Variants in SCUBE1 observed in about 807,000 individuals in gnomAD.
The protein encoded by SCUBE1 is signal peptide, CUB domain and EGF like domain containing 1, also known as signal peptide, CUB and EGF-like domain-containing protein 1.
SCUBE1 carries 59 observed loss-of-function variants against 124.4 expected under a neutral mutation model. The observed-to-expected ratio is 0.47, with a 90% confidence interval of 0.38 to 0.59. SCUBE1 has a LOEUF of 0.59. Ranked by LOEUF, SCUBE1 falls within the 20% of genes least tolerant of loss-of-function variation. The probability of loss-of-function intolerance (pLI) is 0.00; values close to 1 mark genes in which losing one functional copy is unlikely to be tolerated. For synonymous variants in SCUBE1, 545 were observed against 550.9 expected, an observed-to-expected ratio of 0.99 and a Z score of 0.15; for missense variants, 1,150 against 1,371.2, an observed-to-expected ratio of 0.84 and a Z score of 2.55.
chr22:43,314,469 G>A (rs1926274374), intron 3 of SCUBE1, among the ~76,000 whole-genome samples: 1 of 151,942 alleles, frequency 6.6e-6, no homozygotes, highest in Non-Finnish European at 1.5e-5. Context: ...CCTCTCCTGT[G>A]GCTGCAGCAG....
At chr22:43,224,785 C>T (rs1023813757) in intron 10 of SCUBE1, among the ~76,000 whole-genome samples, 3 of 152,124 alleles carry the variant, frequency 2.0e-5, no homozygotes, top group Non-Finnish European at 4.4e-5. Flanking sequence ...TCATGCTAAG[C>T]ACACACTTTT....
intron 2 of SCUBE1, among the ~76,000 whole-genome samples, chr22:43,326,180 T>C (rs752302110): frequency 1.3e-5 from 2 of 152,216 alleles, no homozygotes; most frequent in African/African-American, 2.4e-5. Flanking sequence ...AAATGTCTTC[T>C]CATTTCCCCC....
chr22:43,278,730 T>C (rs575188714), intron 4 of SCUBE1, among the ~76,000 whole-genome samples: 1 of 152,336 alleles, frequency 6.6e-6, no homozygotes, highest in East Asian at 1.9e-4. Context: ...CCCCTGATCC[T>C]GAAGTCCTGC....
chr22:43,212,379 C>A (rs1162321287), intron 17 of SCUBE1, 46 bp downstream of exon 17: 1 of 1,540,862 alleles, frequency 6.5e-7, no homozygotes, highest in African/African-American at 1.4e-5. Flanking sequence ...AGCAGTGCAG[C>A]CCTGCCTCTC....
At chr22:43,305,330 C>T (rs915991480) in intron 3 of SCUBE1, among the ~76,000 whole-genome samples, 9 of 152,190 alleles carry the variant, frequency 5.9e-5, no homozygotes, top group Admixed American at 3.3e-4. Context: ...AATTATTGCA[C>T]GTGTGGCTGA....
intron 16 of SCUBE1, 39 bp downstream of exon 16, chr22:43,214,051 A>ACCCCCCCCCC: frequency 7.3e-6 from 1 of 137,782 alleles, no homozygotes; most frequent in Admixed American, 1.2e-4. Flanking sequence ...GCCCCCGCCC[A>ACCCCCCCCCC]CCCCCCACCC....
intron 6 of SCUBE1, among the ~76,000 whole-genome samples, chr22:43,241,537 C>T (rs577277157): frequency 2.0e-5 from 3 of 152,220 alleles, no homozygotes; most frequent in South Asian, 2.1e-4. Context: ...CCACCAAGCA[C>T]GTGCCGCTGG....
chr22:43,284,367 T>C (rs1029054487), intron 4 of SCUBE1, among the ~76,000 whole-genome samples: 3 of 152,184 alleles, frequency 2.0e-5, no homozygotes, highest in African/African-American at 7.2e-5. Context: ...CAAGATGTCT[T>C]TTGAACTCTA....
At chr22:43,291,467 T>TGTACTACA (rs1474801725) in intron 3 of SCUBE1, among the ~76,000 whole-genome samples, 1 of 82,450 alleles carries the variant, frequency 1.2e-5, no homozygotes, top group Non-Finnish European at 3.2e-5. Flanking sequence ...TCCATCGCGC[T>TGTACTACA]GTGCTACAGT....
At chr22:43,307,018 C>T (rs947479913) in intron 3 of SCUBE1, among the ~76,000 whole-genome samples, 1 of 152,246 alleles carries the variant, frequency 6.6e-6, no homozygotes, top group African/African-American at 2.4e-5. Flanking sequence ...CAGAATCCAA[C>T]ATTCTACCCC....
chr22:43,229,270 C>G, intron 8 of SCUBE1, 82 bp from the exon 9 acceptor site: 1 of 961,338 alleles, frequency 1.0e-6, no homozygotes, highest in African/African-American at 1.6e-5. Context: ...CTCAGTCACT[C>G]AAGGCACATC....
At chr22:43,303,182 G>A (rs904669426) in intron 3 of SCUBE1, among the ~76,000 whole-genome samples, 1 of 152,252 alleles carries the variant, frequency 6.6e-6, no homozygotes, top group African/African-American at 2.4e-5. Flanking sequence ...ACCCTCCAAA[G>A]CTATGTGAAA....
chr22:43,251,498 G>A (rs754126199), intron 6 of SCUBE1, among the ~76,000 whole-genome samples: 10 of 152,190 alleles, frequency 6.6e-5, no homozygotes, highest in Non-Finnish European at 1.3e-4. Flanking sequence ...ATCTGGAGGG[G>A]CCCAGCGTGA....
intron 4 of SCUBE1, 31 bp downstream of exon 4, chr22:43,291,015 G>T: frequency 1.3e-6 from 2 of 1,550,390 alleles, no homozygotes; most frequent in Non-Finnish European, 1.8e-6. Flanking sequence ...CCTGGGGGGG[G>T]ACATGCCTGG....
intron 4 of SCUBE1, among the ~76,000 whole-genome samples, chr22:43,275,282 A>G (rs1187658387): frequency 1.3e-5 from 2 of 152,246 alleles, no homozygotes; most frequent in African/African-American, 4.8e-5. Flanking sequence ...ACAGCAGTGC[A>G]GGACCCAGCA....
At chr22:43,277,771 A>G (rs1406287989) in intron 4 of SCUBE1, among the ~76,000 whole-genome samples, 4 of 152,218 alleles carry the variant, frequency 2.6e-5, no homozygotes, top group African/African-American at 9.7e-5. Context: ...AGTGATCTGG[A>G]CCGGGCTCTA....
At chr22:43,335,128 T>C (rs964043232) in intron 2 of SCUBE1, among the ~76,000 whole-genome samples, 2 of 152,170 alleles carry the variant, frequency 1.3e-5, no homozygotes, top group African/African-American at 4.8e-5. Flanking sequence ...GCCTCCATTT[T>C]TCCATCTGTA....
chr22:43,333,071 G>A (rs1430638898), intron 2 of SCUBE1, among the ~76,000 whole-genome samples: 1 of 152,200 alleles, frequency 6.6e-6, no homozygotes, highest in Non-Finnish European at 1.5e-5. Flanking sequence ...GAAAACCTAA[G>A]TGCAGTGTGG....
At chr22:43,325,932 GT>G (rs771336542) in intron 2 of SCUBE1, among the ~76,000 whole-genome samples, 1,805 of 136,262 alleles carry the variant, frequency 0.013, 32 homozygotes, top group African/African-American at 0.038. Flanking sequence ...AGGGTGAGGT[GT>G]TTTTTTTTTT....
Sources: gnomAD v4.1 joint callset for allele counts (sites outside exome capture counted in the v4.1 genomes callset) on GRCh38, gnomAD v4.1.1 for gene constraint, MANE v1.5 for transcripts, NCBI Gene and HGNC (gene_info 2026-07-23, HGNC 2026-07-21) for gene names.